Variants in SURF4 observed in about 807,000 individuals in gnomAD.
SURF4 encodes surfeit 4, also known as surfeit locus protein 4.
In SURF4, 3 loss-of-function variants were observed where a neutral mutation model predicts 30.0. The ratio of observed to expected loss-of-function variants is 0.10; its 90% CI spans 0.05 to 0.26. The LOEUF is 0.26. Among genes scored for constraint, SURF4 ranks in the 10% least tolerant of loss-of-function variants. SURF4 has a pLI of 1.00. For missense variants in SURF4, 217 were observed against 350.8 expected (o/e 0.62, Z 3.05); for synonymous variants, 143 against 139.9 (o/e 1.02, Z -0.16).
chr9:133,364,053 C>G (rs1837008625), intron 5 of SURF4, among the ~76,000 whole-genome samples: 1 of 152,200 alleles, frequency 6.6e-6, no homozygotes, highest in South Asian at 2.1e-4. Flanking sequence ...CCAAGTGCTT[C>G]TTGGCCCACC....
intron 1 of SURF4, among the ~76,000 whole-genome samples, chr9:133,374,797 ACTCTT>A: frequency 6.6e-6 from 1 of 151,746 alleles, no homozygotes; most frequent in South Asian, 2.1e-4. Flanking sequence ...ACGGTCACTT[ACTCTT>A]TTCTTTTTTT....
intron 1 of SURF4, among the ~76,000 whole-genome samples, chr9:133,371,467 C>T (rs182097797): frequency 8.5e-4 from 130 of 152,334 alleles, no homozygotes; most frequent in Non-Finnish European, 1.6e-3. Context: ...AGATGATGGC[C>T]TGGCTTTACT....
intron 4 of SURF4, among the ~76,000 whole-genome samples, chr9:133,365,428 T>C (rs2130117467): frequency 4.5e-4 from 68 of 152,276 alleles, no homozygotes; most frequent in Middle Eastern, 3.4e-3. Context: ...TTCTAGGGGC[T>C]CTGCAACATC....
chr9:133,364,207 C>T lies in SURF4; in HGVS notation c.544-448G>A, dbSNP rs2130099619. ...AGGCCTGCCCCTGACACCTGACACA[C>T]AGGAATTACTTGAGAAAGATACGAA... On this transcript the variant is annotated intron_variant, in intron 5 of 5. Coordinates refer to ENST00000371989, the MANE Select transcript of SURF4 (RefSeq NM_033161.4). Among the ~76,000 whole-genome samples the T allele has an allele frequency of 3.9e-5, 6 of 152,248 alleles. No individual in the cohort carries two copies. The East Asian group carries it at 7.7e-4, about 20-fold the overall frequency.
chr9:133,364,755 C>CCAGGGAGGGGTGAG (rs1000082481), intron 5 of SURF4, 85 bp downstream of exon 5: 1 of 1,391,990 alleles, frequency 7.2e-7, no homozygotes, highest in Non-Finnish European at 9.9e-7. Flanking sequence ...TAATACCCAA[C>CCAGGGAGGGGTGAG]CAGGGAGGGG....
At chr9:133,373,873 G>C (rs2130214865) in intron 1 of SURF4, among the ~76,000 whole-genome samples, 3 of 121,110 alleles carry the variant, frequency 2.5e-5, no homozygotes, top group African/African-American at 9.3e-5. Flanking sequence ...AGCCGAGATC[G>C]CACCATTACA....
At chr9:133,373,333 TCAGGCATGTAATCC>T (rs1304974141) in intron 1 of SURF4, among the ~76,000 whole-genome samples, 1 of 152,092 alleles carries the variant, frequency 6.6e-6, no homozygotes, top group African/African-American at 2.4e-5. Context: ...GCGCGGTGGC[TCAGGCATGTAATCC>T]CAGAACTTTA....
At chr9:133,376,565 C>G (rs2130249494), upstream of SURF4, 380 of 1,589,484 alleles carry the variant, frequency 2.4e-4, 2 homozygotes, top group African/African-American at 3.2e-3. Context: ...TACCAGGTGC[C>G]GAGTGTTCCC....
intron 1 of SURF4, among the ~76,000 whole-genome samples, chr9:133,373,264 C>A (rs1056123528): frequency 6.6e-6 from 1 of 152,208 alleles, no homozygotes; most frequent in African/African-American, 2.4e-5. Context: ...AGAGCCTTTC[C>A]AGTTCCAAGC....
At chr9:133,367,606 A>G in intron 1 of SURF4, 161 bp from the exon 2 acceptor site, 4 of 1,502,418 alleles carry the variant, frequency 2.7e-6, no homozygotes, top group Non-Finnish European at 3.5e-6. Flanking sequence ...GGGGGCTCTC[A>G]GTGCTTGCTC....
Position 133,363,090 on chromosome 9 carries a change from A to G in SURF4, c.*403T>C. ...ATTTAGTAGTTTCCGCTAAAAATGTAAACTTACAAATAAGAGGGAGACTGC... is the reference window on the plus strand; with the variant it reads ...ATTTAGTAGTTTCCGCTAAAAATGTGAACTTACAAATAAGAGGGAGACTGC... On this transcript the variant is annotated 3_prime_UTR_variant, in exon 6 of 6. Coordinates refer to ENST00000371989, the MANE Select transcript of SURF4 (RefSeq NM_033161.4). The surrounding 1 kb of genome is among the most constrained non-coding windows in gnomAD (Gnocchi z 4.3). 5.6e-6 allele frequency: 2 copies of G among 355,528 alleles called. No individual in the cohort carries two copies. Among genetic ancestry groups the G allele is most frequent in the Non-Finnish European group, 1.0e-5 (2 of 192,234 alleles). The allele number at this position is 355,528 out of a possible 1,614,324, so 22.0% of individuals were successfully genotyped here. A position where few individuals can be genotyped will look rare whatever the true frequency, so the allele number is the denominator to read the frequency against.
chr9:133,367,515 C>A (rs909753702), intron 1 of SURF4, 70 bp from the exon 2 acceptor site: 1 of 1,599,154 alleles, frequency 6.3e-7, no homozygotes, highest in African/African-American at 1.3e-5. Flanking sequence ...CCAGGCACGT[C>A]CTTGGGCGGG....
intron 1 of SURF4, among the ~76,000 whole-genome samples, chr9:133,369,819 C>T (rs1436568621): frequency 6.6e-6 from 1 of 152,234 alleles, no homozygotes; most frequent in Admixed American, 6.5e-5. Context: ...CCAGCAAGGA[C>T]ACAAGCCTTT....
chr9:133,367,357 A>C lies in SURF4; in HGVS notation c.137T>G (p.Phe46Cys). 6.2e-7 allele frequency: 1 copy of C among 1,614,222 alleles called. No homozygotes were observed. Among genetic ancestry groups the C allele is most frequent in the Admixed American group, 1.7e-5 (1 of 60,032 alleles). ...GTAGTCGCGCTGCTCGCTCCACTGG[A>C]ACCACATACGGATGCCGTCCTCCAG... ...TFLEDGIRMW[F>C]QWSEQRDYID... Residue 46 changes from phenylalanine (F) to cysteine (C), a missense_variant, in exon 2 of 6, where the codon TTC (phenylalanine) becomes TGC (cysteine). By Grantham distance (205) the Phe-to-Cys change is radical. Coordinates refer to ENST00000371989, the MANE Select transcript of SURF4 (RefSeq NM_033161.4).
At chr9:133,373,681 G>A (rs1402614826) in intron 1 of SURF4, among the ~76,000 whole-genome samples, 1 of 151,844 alleles carries the variant, frequency 6.6e-6, no homozygotes, top group Non-Finnish European at 1.5e-5. Flanking sequence ...ACTTTGGGAG[G>A]CTAAGGCAGG....
At chr9:133,377,863 C>A (rs140943081), upstream of SURF4, among the ~76,000 whole-genome samples, 1 of 152,112 alleles carries the variant, frequency 6.6e-6, no homozygotes, top group Non-Finnish European at 1.5e-5. Context: ...AATGTAGAAT[C>A]AGTGGGAGCC....
chr9:133,373,909 C>CAAGAAAAAAAAA (rs1837674795), intron 1 of SURF4, among the ~76,000 whole-genome samples: 1 of 47,528 alleles, frequency 2.1e-5, no homozygotes, highest in East Asian at 6.4e-4. Flanking sequence ...AATTCTGTCT[C>CAAGAAAAAAAAA]AAAAAAAAAA....
At position 133,363,116 on chromosome 9, in the gene SURF4, T is replaced by C. The variant is rs1314417773; in HGVS notation, c.*377A>G. 2.2e-6 allele frequency: 1 copy of C among 445,346 alleles called. No individual in the cohort carries two copies. Among genetic ancestry groups the C allele is most frequent in the East Asian group, 4.1e-5 (1 of 24,242 alleles). 27.6% of individuals were successfully genotyped at this position (445,346 alleles called of 1,614,324 possible). ...AACTTACAAATAAGAGGGAGACTGC[T>C]TTGAATGATAATACCAATGCGTCTG... On this transcript the variant is annotated 3_prime_UTR_variant, in exon 6 of 6. Transcript: ENST00000371989. This position sits in a 1 kb window ranked among gnomAD's most constrained non-coding sequence, Gnocchi z 4.3.
At chr9:133,366,540 C>G (rs1837184882) in intron 3 of SURF4, 59 bp downstream of exon 3, 1 of 1,580,434 alleles carries the variant, frequency 6.3e-7, no homozygotes, top group African/African-American at 1.3e-5. Flanking sequence ...GATGTCTTTT[C>G]AGAAGCTCTG....
Sources: gnomAD v4.1 joint callset for allele counts (sites outside exome capture counted in the v4.1 genomes callset) on GRCh38, gnomAD v4.1.1 for gene constraint, Gnocchi (gnomAD v3.1) non-coding constraint, MANE v1.5 for transcripts, NCBI Gene and HGNC (gene_info 2026-07-23, HGNC 2026-07-21) for gene names.